ADAMTS9: variants seen among roughly 807,000 people sequenced by gnomAD.
ADAMTS9 encodes A disintegrin and metalloproteinase with thrombospondin motifs 9.
A neutral mutation model predicts 257.1 loss-of-function variants in ADAMTS9; 107 were observed. That is an observed-to-expected ratio of 0.42 (90% confidence interval 0.36 to 0.49). The LOEUF (loss-of-function observed/expected upper bound fraction) is 0.49. Ranked by LOEUF, ADAMTS9 falls within the 20% of genes least tolerant of loss-of-function variation. The pLI is 0.03. For synonymous variants in ADAMTS9, 982 were observed against 880.9 expected, an observed-to-expected ratio of 1.11 and a Z score of -2.03; for missense variants, 2,353 against 2,469.1, an observed-to-expected ratio of 0.95 and a Z score of 1.00.
At chr3:64,555,590 A>G (rs201628458) in intron 30 of ADAMTS9, among the ~76,000 whole-genome samples, 1 of 127,848 alleles carries the variant, frequency 7.8e-6, no homozygotes, top group Non-Finnish European at 1.5e-5. Flanking sequence ...CAGTTGTGTA[A>G]GCAGTTGTGT....
chr3:64,593,970 T>C (rs987551269), intron 28 of ADAMTS9, among the ~76,000 whole-genome samples: 4 of 133,892 alleles, frequency 3.0e-5, no homozygotes, highest in African/African-American at 1.4e-4. Context: ...GATGTGTGTG[T>C]GTGTGTGTGT....
rs188205877 is a variant in ADAMTS9, at chr3:64,657,151, G to A, written c.970-1276C>T. On this transcript the variant is annotated intron_variant, in intron 4 of 39. Transcript: ENST00000498707. ...ATACCTAGAGTTGCACTGCCCAACAGTGGCCACCCATCACAAGTGGCTAGT... is the reference window on the plus strand; with the variant it reads ...ATACCTAGAGTTGCACTGCCCAACAATGGCCACCCATCACAAGTGGCTAGT... 2.0e-3 allele frequency among the ~76,000 whole-genome samples: 303 copies of A among 152,226 alleles called. 1 individual carries two copies. Among genetic ancestry groups the A allele is most frequent in the African/African-American group, 6.8e-3 (284 of 41,540 alleles).
chr3:64,596,182 G>T (rs972941677), intron 27 of ADAMTS9, among the ~76,000 whole-genome samples: 10 of 152,092 alleles, frequency 6.6e-5, no homozygotes, highest in Admixed American at 1.3e-4. Context: ...TAAATATTTG[G>T]CAAAGATACT....
chr3:64,633,663 G>T, intron 13 of ADAMTS9, 35 bp downstream of exon 13: 1 of 1,613,730 alleles, frequency 6.2e-7, no homozygotes, highest in South Asian at 1.1e-5. Context: ...AGTGCCGGCC[G>T]GCCAACGGTG....
At position 64,629,631 on chromosome 3, in the gene ADAMTS9, T is replaced by C. The variant is rs117122660; in HGVS notation, c.2389+1824A>G. Among the ~76,000 whole-genome samples the C allele has an allele frequency of 3.3e-3, 508 of 152,372 alleles. 13 individuals are homozygous for C. The East Asian group carries it at 0.046, about 14-fold the overall frequency. On this transcript the variant is annotated intron_variant, in intron 16 of 39. Transcript: ENST00000498707. ...CTGCTCTGATTTCTAGCAGCACTTA[T>C]CACTATAACACTATGGAGTTTTCTT... is the stretch of plus-strand genomic sequence containing the variant.
In ADAMTS9 at chr3:64,544,645, T is replaced by A. The variant is rs566349950; in HGVS notation, c.5064+2113A>T. 2.6e-5 allele frequency among the ~76,000 whole-genome samples: 4 copies of A among 152,208 alleles called. No homozygotes were observed. The East Asian group carries it at 7.7e-4, about 29-fold the overall frequency. On this transcript the variant is annotated intron_variant, in intron 32 of 39. Coordinates refer to ENST00000498707, the MANE Select transcript of ADAMTS9 (RefSeq NM_182920.2). ...GGATTAAAGACTTAAATGTTAGACC[T>A]AAAACCATAAAAACCCTAGAAGAAA... is the stretch of plus-strand genomic sequence containing the variant.
intron 37 of ADAMTS9, among the ~76,000 whole-genome samples, chr3:64,535,854 C>A (rs1240688632): frequency 1.3e-5 from 2 of 152,112 alleles, no homozygotes; most frequent in East Asian, 1.9e-4. Context: ...CCCCTCCCCC[C>A]AAAATTTTCT....
intron 31 of ADAMTS9, among the ~76,000 whole-genome samples, chr3:64,549,738 C>A (rs1187974470): frequency 6.6e-6 from 1 of 152,186 alleles, no homozygotes; most frequent in Non-Finnish European, 1.5e-5. Flanking sequence ...CCTTCCAACC[C>A]TGGCCAGTAG....
rs540133115 is a variant in ADAMTS9, at chr3:64,532,725, G to A, written c.5718+441C>T. On this transcript the variant is annotated intron_variant, in intron 38 of 39. Coordinates refer to ENST00000498707, the MANE Select transcript of ADAMTS9 (RefSeq NM_182920.2). ...GACCCTGTGTATCTCTAATTCTCCA[G>A]ATATATCGCTTAATAAGTTATCTGT... Among the ~76,000 whole-genome samples the A allele has an allele frequency of 1.2e-4, 18 of 152,226 alleles. 1 individual carries two copies. The highest frequency in any genetic ancestry group is 1.8e-4 in the Non-Finnish European group (12 of 68,022).
intron 19 of ADAMTS9, among the ~76,000 whole-genome samples, chr3:64,617,819 G>A (rs1414401368): frequency 6.6e-6 from 1 of 152,156 alleles, no homozygotes; most frequent in African/African-American, 2.4e-5. Flanking sequence ...ACATACTGGT[G>A]TGCCATGAAT....
chr3:64,575,347 A>G (rs1230682980), intron 28 of ADAMTS9, among the ~76,000 whole-genome samples: 1 of 152,220 alleles, frequency 6.6e-6, no homozygotes, highest in African/African-American at 2.4e-5. Context: ...GGGAAGGAGA[A>G]AATGCAGGCT....
chr3:64,561,517 A>G (rs1283311417), intron 30 of ADAMTS9, 61 bp downstream of exon 30: 4 of 1,545,750 alleles, frequency 2.6e-6, no homozygotes, highest in Non-Finnish European at 3.5e-6. Flanking sequence ...AACAGATGTG[A>G]GGATAGCAAG....
chr3:64,586,686 A>T (rs1186920722), intron 28 of ADAMTS9: 1 of 152,166 alleles, frequency 6.6e-6, no homozygotes, highest in East Asian at 1.9e-4. Flanking sequence ...GTAAAAATGT[A>T]AATGAATAAG....
intron 9 of ADAMTS9, chr3:64,650,084 G>A (rs1347492777): frequency 4.0e-6 from 1 of 250,374 alleles, no homozygotes; most frequent in Non-Finnish European, 7.6e-6. Flanking sequence ...TAGACTGTAA[G>A]CTTTCTAAGG....
At chr3:64,547,069 C>T in intron 31 of ADAMTS9, 117 bp from the exon 32 acceptor site, 3 of 868,676 alleles carry the variant, frequency 3.5e-6, no homozygotes, top group African/African-American at 1.7e-5. Context: ...AAAGCTCCCA[C>T]TTCATTAGCT....
chr3:64,637,848 G>A (rs1387491606), intron 12 of ADAMTS9, among the ~76,000 whole-genome samples: 2 of 152,174 alleles, frequency 1.3e-5, no homozygotes, highest in Non-Finnish European at 2.9e-5. Flanking sequence ...CTTTCCAAAT[G>A]GGGCAGTCTA....
intron 28 of ADAMTS9, among the ~76,000 whole-genome samples, chr3:64,593,555 C>T (rs767944759): frequency 2.6e-5 from 4 of 152,158 alleles, no homozygotes; most frequent in Non-Finnish European, 5.9e-5. Flanking sequence ...AAGTTTGCAT[C>T]ATATTTACAG....
At chr3:64,679,202 T>TA (rs1383137825) in intron 3 of ADAMTS9, among the ~76,000 whole-genome samples, 4 of 152,220 alleles carry the variant, frequency 2.6e-5, no homozygotes, top group Non-Finnish European at 5.9e-5. Context: ...AAATGTCCAT[T>TA]AACTTGCATA....
chr3:64,634,828 A>T (rs1700453857), intron 12 of ADAMTS9, among the ~76,000 whole-genome samples: 1 of 152,176 alleles, frequency 6.6e-6, no homozygotes, highest in Non-Finnish European at 1.5e-5. Context: ...AATCTGGACT[A>T]TAAAAAATGG....
Sources: gnomAD v4.1 joint callset for allele counts (sites outside exome capture counted in the v4.1 genomes callset) on GRCh38, gnomAD v4.1.1 for gene constraint, MANE v1.5 for transcripts, NCBI Gene and HGNC (gene_info 2026-07-23, HGNC 2026-07-21) for gene names.